The following POFUT3 variants were observed in gnomAD, a reference collection of about 807,000 sequenced individuals.
POFUT3 encodes the protein protein O-fucosyltransferase 3.
chr8:33,411,460 T>G, the POFUT3 span, among the ~76,000 whole-genome samples: 639 of 152,344 alleles, frequency 4.2e-3, 5 homozygotes, highest in African/African-American at 0.014. Context: ...GAAAATAGAT[T>G]CTGAATTTTT....
the POFUT3 span, among the ~76,000 whole-genome samples, chr8:33,340,907 A>C: frequency 6.4e-4 from 98 of 152,370 alleles, no homozygotes; most frequent in Non-Finnish European, 1.2e-3. Context: ...AGACTACAGA[A>C]GAACACAACA....
chr8:33,351,257 A>G, the POFUT3 span, among the ~76,000 whole-genome samples: 6 of 152,218 alleles, frequency 3.9e-5, no homozygotes, highest in African/African-American at 1.2e-4. Context: ...CACCAGGCCT[A>G]AAGCTCATTT....
the POFUT3 span, among the ~76,000 whole-genome samples, chr8:33,342,082 A>G: frequency 6.6e-6 from 1 of 152,184 alleles, no homozygotes; most frequent in South Asian, 2.1e-4. Context: ...TGGGAGGCTG[A>G]GGCAAGAGAA....
At chr8:33,343,441 C>G in the POFUT3 span, among the ~76,000 whole-genome samples, 4 of 152,252 alleles carry the variant, frequency 2.6e-5, no homozygotes, top group Non-Finnish European at 2.9e-5. Context: ...GCAAGAAATG[C>G]GATAGACAAG....
the POFUT3 span, chr8:33,436,456 A>C: frequency 7.0e-7 from 1 of 1,435,330 alleles, no homozygotes; most frequent in Non-Finnish European, 9.8e-7. Context: ...GATGTTGCCC[A>C]CATGCAACTT....
At chr8:33,346,165 A>AG in the POFUT3 span, among the ~76,000 whole-genome samples, 3 of 150,632 alleles carry the variant, frequency 2.0e-5, no homozygotes, top group Non-Finnish European at 4.4e-5. Context: ...AGTGGAAAGA[A>AG]AAAAAAAAAA....
the POFUT3 span, among the ~76,000 whole-genome samples, chr8:33,353,900 G>C: frequency 1.3e-5 from 2 of 152,154 alleles, no homozygotes; most frequent in African/African-American, 4.8e-5. Flanking sequence ...CCTCGGTAAA[G>C]AAACCAATAG....
At chr8:33,458,787 C>A in the POFUT3 span, among the ~76,000 whole-genome samples, 2 of 152,084 alleles carry the variant, frequency 1.3e-5, no homozygotes, top group East Asian at 3.9e-4. Flanking sequence ...AAATGTCAGG[C>A]CTTCTGTGCA....
chr8:33,320,544 A>T, the POFUT3 span, among the ~76,000 whole-genome samples: 1 of 152,194 alleles, frequency 6.6e-6, no homozygotes, highest in South Asian at 2.1e-4. Context: ...TTAATAATTA[A>T]TTCTTACCTT....
At chr8:33,440,755 C>T in the POFUT3 span, among the ~76,000 whole-genome samples, 4 of 152,160 alleles carry the variant, frequency 2.6e-5, no homozygotes, top group African/African-American at 4.8e-5. Flanking sequence ...TGACTTTTGT[C>T]TTCATTTCCA....
chr8:33,453,605 T>G, the POFUT3 span: 9 of 1,043,084 alleles, frequency 8.6e-6, no homozygotes, highest in Non-Finnish European at 1.3e-5. Context: ...TGACTCGTTT[T>G]CAATTGCTGC....
At chr8:33,429,244 T>G in the POFUT3 span, among the ~76,000 whole-genome samples, 21 of 152,318 alleles carry the variant, frequency 1.4e-4, no homozygotes, top group African/African-American at 4.8e-4. Context: ...TGCAGTACTC[T>G]CGGACCCAAG....
the POFUT3 span, among the ~76,000 whole-genome samples, chr8:33,445,467 A>G: frequency 6.6e-6 from 1 of 152,224 alleles, no homozygotes; most frequent in Non-Finnish European, 1.5e-5. Flanking sequence ...AGAATGGGTC[A>G]TAGATATGTC....
At chr8:33,467,726 C>T in the POFUT3 span, among the ~76,000 whole-genome samples, 353 of 152,252 alleles carry the variant, frequency 2.3e-3, 1 homozygote, top group African/African-American at 7.5e-3. Flanking sequence ...AAAATAATTC[C>T]AAATTTTCAA....
the POFUT3 span, among the ~76,000 whole-genome samples, chr8:33,379,239 G>A: frequency 6.6e-6 from 1 of 151,900 alleles, no homozygotes; most frequent in African/African-American, 2.4e-5. Flanking sequence ...GTCTTGGTTG[G>A]TTCTTTATAA....
At chr8:33,459,484 T>A in the POFUT3 span, among the ~76,000 whole-genome samples, 103,697 of 151,364 alleles carry the variant, frequency 0.69, 36,272 homozygotes, top group African/African-American at 0.83. Flanking sequence ...TACAAAAAAA[T>A]TAGAAAACTT....
chr8:33,364,495 G>A, the POFUT3 span, among the ~76,000 whole-genome samples: 4 of 152,188 alleles, frequency 2.6e-5, no homozygotes, highest in South Asian at 6.2e-4. Flanking sequence ...CCTGTTTGCA[G>A]ATGACATGAT....
the POFUT3 span, among the ~76,000 whole-genome samples, chr8:33,315,610 A>G: frequency 9.9e-5 from 15 of 152,112 alleles, no homozygotes; most frequent in Admixed American, 8.5e-4. Flanking sequence ...AGAAAGGGAA[A>G]AATGAGAGAG....
chr8:33,351,892 T>A, the POFUT3 span, among the ~76,000 whole-genome samples: 2 of 152,196 alleles, frequency 1.3e-5, no homozygotes, highest in Non-Finnish European at 2.9e-5. Flanking sequence ...CAGAATTATA[T>A]CATTTTAAAG....
Sources: gnomAD v4.1 joint callset for allele counts (sites outside exome capture counted in the v4.1 genomes callset) on GRCh38, gnomAD v4.1.1 for gene constraint, MANE v1.5 for transcripts, NCBI Gene and HGNC (gene_info 2026-07-23, HGNC 2026-07-21) for gene names.